EIF4A3: variants seen among roughly 807,000 people sequenced by gnomAD.
EIF4A3 encodes eukaryotic initiation factor 4A-III.
In EIF4A3, 1 loss-of-function variant was observed where a neutral mutation model predicts 55.6. That is an observed-to-expected ratio of 0.02 (90% CI 0.01 to 0.09). The LOEUF is 0.09. Among genes scored for constraint, EIF4A3 ranks in the 10% least tolerant of loss-of-function variants. The pLI, the probability that EIF4A3 is intolerant of heterozygous loss-of-function variation, is 1.00. For missense variants in EIF4A3, 221 were observed against 540.7 expected, an observed-to-expected ratio of 0.41 and a Z score of 5.86; for synonymous variants, 194 against 196.3, an observed-to-expected ratio of 0.99 and a Z score of 0.10.
chr17:80,141,815 G>A lies in EIF4A3; in HGVS notation c.276C>T (p.Phe92=), dbSNP rs1366491976. Residue 92 remains phenylalanine (F), a synonymous_variant, in exon 3 of 12, where the codon TTC becomes TTT. Coordinates refer to ENST00000649764, the MANE Select transcript of EIF4A3 (RefSeq NM_014740.4). ...CCAAACACTGGAGGACTGAGATACT[G>A]AAGGTGGCTGTTTTTCCTGTGCCGG... ...SQSGTGKTAT[F]SISVLQCLDI... is the part of the protein sequence containing the mutation. 6.2e-7 allele frequency: 1 copy of A among 1,614,074 alleles called. No individual in the cohort carries two copies. Among genetic ancestry groups the A allele is most frequent in the Non-Finnish European group, 8.5e-7 (1 of 1,179,972 alleles).
exon 1 of EIF4A3, chr17:80,147,118 GACCTCGCTGTGCCGCTGCC>G: frequency 8.5e-7 from 1 of 1,170,440 alleles, no homozygotes; most frequent in Non-Finnish European, 1.1e-6. Context: ...TGCCGCTGCC[GACCTCGCTGTGCCGCTGCC>G]GAGAACAGAC....
chr17:80,139,566 C>G (rs533411191), intron 6 of EIF4A3, 104 bp downstream of exon 6: 1 of 982,048 alleles, frequency 1.0e-6, no homozygotes, highest in East Asian at 2.5e-5. Flanking sequence ...GATGAAAACA[C>G]TATTCACATT....
chr17:80,146,929 G>C lies in EIF4A3; in HGVS notation c.33C>G (p.Gly11=). MATTATMATS[G]SARKRLLKEE... ...CTTTGAGCAGCCGCTTTCGCGCCGAGCCCGAGGTCGCCATCGTGGCCGTGG... is the reference window on the plus strand; with the variant it reads ...CTTTGAGCAGCCGCTTTCGCGCCGACCCCGAGGTCGCCATCGTGGCCGTGG... The change falls in exon 1 of 12, where the codon GGC becomes GGG. Residue 11 remains glycine (G), a synonymous_variant. Transcript: ENST00000649764. 6.2e-7 allele frequency: 1 copy of C among 1,608,770 alleles called. No homozygotes were observed. Among genetic ancestry groups the C allele is most frequent in the Non-Finnish European group, 8.5e-7 (1 of 1,178,328 alleles).
intron 1 of EIF4A3, among the ~76,000 whole-genome samples, chr17:80,146,417 A>G (rs2039663307): frequency 6.6e-6 from 1 of 152,012 alleles, no homozygotes; most frequent in Non-Finnish European, 1.5e-5. Context: ...TTTCCCCCCA[A>G]ACGAAATTCA....
chr17:80,135,961 G>T, intron 11 of EIF4A3, 43 bp downstream of exon 11: 1 of 1,596,250 alleles, frequency 6.3e-7, no homozygotes, highest in Non-Finnish European at 8.5e-7. Flanking sequence ...TAAGAATAGG[G>T]AAGTTCCCTC....
At chr17:80,138,524 G>GATAA in intron 7 of EIF4A3, 1 of 454,724 alleles carries the variant, frequency 2.2e-6, no homozygotes, top group Non-Finnish European at 3.8e-6. Context: ...ACGAAACACT[G>GATAA]ATAAATAAAT....
intron 11 of EIF4A3, 57 bp downstream of exon 11, chr17:80,135,947 A>C (rs2039566928): frequency 6.4e-7 from 1 of 1,568,156 alleles, no homozygotes; most frequent in Non-Finnish European, 8.6e-7. Flanking sequence ...CAGGTGCCCC[A>C]AACTAAGAAT....
At chr17:80,137,714 T>G in intron 8 of EIF4A3, 1 of 534,528 alleles carries the variant, frequency 1.9e-6, no homozygotes, top group Non-Finnish European at 3.3e-6. Flanking sequence ...TTTCTCCATA[T>G]AATGACTCTA....
Position 80,134,838 on chromosome 17 carries a change from CAAAA to C in EIF4A3, c.*648_*651del, listed in dbSNP as rs774697502. On this transcript the variant is annotated 3_prime_UTR_variant, in exon 12 of 12. Coordinates refer to ENST00000649764, the MANE Select transcript of EIF4A3 (RefSeq NM_014740.4). ...AACTCATCAACGATGAAACTCTTTC[CAAAA>C]AAAAAGATTAGAAAAGTGAGTGAAA... 4.1e-4 allele frequency among the ~76,000 whole-genome samples: 61 copies of C among 149,700 alleles called. No homozygotes were observed. Among genetic ancestry groups the C allele is most frequent in the Admixed American group, 1.3e-3 (19 of 15,048 alleles).
intron 6 of EIF4A3, 80 bp from the exon 7 acceptor site, chr17:80,139,242 C>T: frequency 1.3e-6 from 2 of 1,571,248 alleles, no homozygotes; most frequent in Non-Finnish European, 1.7e-6. Context: ...AGTGTTCCCA[C>T]TGGGTTAGAG....
rs750039941 is a variant in EIF4A3, at chr17:80,139,202, GGCACACCCAGAAATGGAAGGT to G, written c.587-61_587-41del. 1.9e-6 allele frequency: 3 copies of G among 1,608,334 alleles called. No homozygotes were observed. In the East Asian group the frequency reaches 6.7e-5, roughly 36 times the overall value. ...AAGACAGGTGAGGGATGTTTAGGGCGGCACACCCAGAAATGGAAGGTGCACGCCCAGTGTTCCCACTGGGTT... is the reference window on the plus strand; with the variant it reads ...AAGACAGGTGAGGGATGTTTAGGGCGGCACGCCCAGTGTTCCCACTGGGTT... On this transcript the variant is annotated intron_variant, in intron 6 of 11. Coordinates refer to ENST00000649764, the MANE Select transcript of EIF4A3 (RefSeq NM_014740.4).
Position 80,138,172 on chromosome 17 carries a change from C to G in EIF4A3, c.837G>C (p.Gln279His), listed in dbSNP as rs1490903985. 1 of 1,614,146 alleles carries G rather than the reference C, an allele frequency of 6.2e-7. No homozygotes were observed. Residue 279 changes from glutamine to histidine, a missense_variant, in exon 8 of 12, where the codon CAG (glutamine) becomes CAC (histidine). Gln to His is a conservative substitution (Grantham distance 24, BLOSUM62 0). Coordinates refer to ENST00000649764, the MANE Select transcript of EIF4A3 (RefSeq NM_014740.4). ...CDLYDTLTIT[Q>H]AVIFCNTKRK... is the part of the protein sequence containing the mutation. ...TTTTGGTGTTGCAGAAGATGACCGC[C>G]TGAGTGATGGTCAGTGTGTCGTAGA...
chr17:80,135,913 C>A (rs2039566432), intron 11 of EIF4A3, 91 bp downstream of exon 11: 2 of 1,525,954 alleles, frequency 1.3e-6, no homozygotes, highest in Non-Finnish European at 1.8e-6. Flanking sequence ...AACAAAAAAA[C>A]CCACAACAAC....
Position 80,139,527 on chromosome 17 carries a change from T to C in EIF4A3, c.586+143A>G, listed in dbSNP as rs1278443626. ...AATCAAGGTAGGAATTTTTTGTTCA[T>C]AATTGCCAAGGCACAATTGTTTTTC... On this transcript the variant is annotated intron_variant, in intron 6 of 11. Coordinates refer to ENST00000649764, the MANE Select transcript of EIF4A3 (RefSeq NM_014740.4). 4 of 783,226 alleles carry C rather than the reference T, an allele frequency of 5.1e-6. No homozygotes were observed. In the African/African-American group the frequency reaches 5.3e-5, roughly 10 times the overall value. 48.5% of individuals were successfully genotyped at this position (783,226 alleles called of 1,614,324 possible). A position where few individuals can be genotyped will look rare whatever the true frequency, so the allele number is the denominator to read the frequency against.
At chr17:80,141,956 C>A in intron 2 of EIF4A3, 108 bp from the exon 3 acceptor site, 1 of 798,522 alleles carries the variant, frequency 1.3e-6, no homozygotes. Context: ...TTCCAGCAAG[C>A]CCCCGTACCT....
chr17:80,139,996 A>G lies in EIF4A3; in HGVS notation c.505+12T>C, dbSNP rs913641113. 1 of 1,609,192 alleles carries G rather than the reference A, an allele frequency of 6.2e-7. No homozygotes were observed. The highest frequency in any genetic ancestry group is 8.5e-7 in the Non-Finnish European group (1 of 1,177,710). ...TACCGGCAGCACCATTTTTAGCGAC[A>G]AAAGTGCTTACCAAAAACACGCCCT... On this transcript the variant is annotated intron_variant, in intron 5 of 11. Coordinates refer to ENST00000649764, the MANE Select transcript of EIF4A3 (RefSeq NM_014740.4).
intron 10 of EIF4A3, 22 bp from the exon 11 acceptor site, chr17:80,136,153 ACAGT>A (rs2039568360): frequency 1.1e-5 from 18 of 1,613,890 alleles, no homozygotes; most frequent in Non-Finnish European, 1.5e-5. Flanking sequence ...AAATAATATT[ACAGT>A]TAGTATATAT....
chr17:80,139,588 C>G lies in EIF4A3; in HGVS notation c.586+82G>C, dbSNP rs1214953594. ...ACACTATTCACATTCAGAACAGTCA[C>G]TGGCTGTTTCAATTTTACACTGTGA... is the stretch of plus-strand genomic sequence containing the variant. On this transcript the variant is annotated intron_variant, in intron 6 of 11. Coordinates refer to ENST00000649764, the MANE Select transcript of EIF4A3 (RefSeq NM_014740.4). 9.0e-6 allele frequency: 11 copies of G among 1,223,448 alleles called. No individual in the cohort carries two copies. The Admixed American group carries it at 1.8e-4, about 20-fold the overall frequency. 75.8% of individuals were successfully genotyped at this position (1,223,448 alleles called of 1,614,324 possible).
chr17:80,140,125 C>T lies in EIF4A3; in HGVS notation c.388G>A (p.Gly130Ser), dbSNP rs767246848. Residue 130 changes from glycine to serine, a missense_variant, in exon 5 of 12, where the codon GGT (glycine) becomes AGT (serine). Coordinates refer to ENST00000649764, the MANE Select transcript of EIF4A3 (RefSeq NM_014740.4). ...TGGCACTGGACATTCATGTAGTCACCGAGAGCAAGCAGCCCCTGAAACAAA... is the reference window on the plus strand; with the variant it reads ...TGGCACTGGACATTCATGTAGTCACTGAGAGCAAGCAGCCCCTGAAACAAA... ...VQIQKGLLAL[G>S]DYMNVQCHAC... 5.6e-6 allele frequency: 9 copies of T among 1,601,440 alleles called. No individual in the cohort carries two copies. The highest frequency in any genetic ancestry group is 3.5e-5 in the Admixed American group (2 of 57,672).
Sources: gnomAD v4.1 joint callset for allele counts (sites outside exome capture counted in the v4.1 genomes callset) on GRCh38, gnomAD v4.1.1 for gene constraint, MANE v1.5 for transcripts, NCBI Gene and HGNC (gene_info 2026-07-23, HGNC 2026-07-21) for gene names.